Variants in TLN2 observed in about 807,000 individuals in gnomAD.
TLN2 encodes the protein talin 2.
In TLN2, 118 loss-of-function variants were observed where a neutral mutation model predicts 294.7. The observed-to-expected ratio is 0.40, with a 90% CI of 0.34 to 0.47. The LOEUF is 0.47. Ranked by LOEUF, TLN2 falls within the 20% of genes least tolerant of loss-of-function variation. TLN2 has a pLI of 0.84. For missense variants in TLN2, 3,083 were observed against 3,282.2 expected (o/e 0.94, Z 1.48); for synonymous variants, 1,431 against 1,304.5 (o/e 1.10, Z -2.09).
intron 1 of TLN2, among the ~76,000 whole-genome samples, chr15:62,417,247 C>CT (rs900504141): frequency 6.6e-6 from 1 of 152,144 alleles, no homozygotes; most frequent in Non-Finnish European, 1.5e-5. Flanking sequence ...TTTAATTTGC[C>CT]TGTCGCCCTC....
chr15:62,699,523 A>G (rs2141092048), intron 16 of TLN2, among the ~76,000 whole-genome samples: 1 of 152,260 alleles, frequency 6.6e-6, no homozygotes, highest in Non-Finnish European at 1.5e-5. Flanking sequence ...TCAGCAAGGT[A>G]GGGTGATTAA....
At chr15:62,795,573 T>C (rs1174755719) in intron 46 of TLN2, among the ~76,000 whole-genome samples, 7 of 152,042 alleles carry the variant, frequency 4.6e-5, no homozygotes, top group African/African-American at 1.7e-4. Context: ...AGAGGTCACA[T>C]ACACAGATCC....
At chr15:62,423,089 G>C (rs146576017) in intron 1 of TLN2, among the ~76,000 whole-genome samples, 2 of 152,158 alleles carry the variant, frequency 1.3e-5, no homozygotes, top group African/African-American at 4.8e-5. Flanking sequence ...CTAGGATCAC[G>C]TTAGCTCTTA....
intron 35 of TLN2, 71 bp downstream of exon 35, chr15:62,752,498 G>C: frequency 1.3e-6 from 2 of 1,567,514 alleles, no homozygotes; most frequent in African/African-American, 1.4e-5. Flanking sequence ...GGGAACTCCA[G>C]CTGCACCTCT....
At chr15:62,498,153 CAAAAAAAAA>C (rs538951284) in intron 1 of TLN2, among the ~76,000 whole-genome samples, 5 of 93,384 alleles carry the variant, frequency 5.4e-5, no homozygotes, top group East Asian at 8.8e-4. Context: ...GACCCTGCCT[CAAAAAAAAA>C]AAAAAAAAAA....
intron 1 of TLN2, among the ~76,000 whole-genome samples, chr15:62,582,215 CACACACACACACACACACACACACACACA>C (rs2045133321): frequency 7.4e-6 from 1 of 134,250 alleles, no homozygotes; most frequent in Non-Finnish European, 1.6e-5. Context: ...CACACACACA[CACACACACACACACACACACACACACACA>C]CACATTCATG....
intron 1 of TLN2, among the ~76,000 whole-genome samples, chr15:62,489,353 T>G (rs575673610): frequency 1.9e-4 from 29 of 152,194 alleles, no homozygotes; most frequent in Non-Finnish European, 3.7e-4. Flanking sequence ...TCAAACAGCC[T>G]AAGCACATGT....
intron 1 of TLN2, among the ~76,000 whole-genome samples, chr15:62,432,176 A>T (rs1282123242): frequency 6.6e-6 from 1 of 152,034 alleles, no homozygotes; most frequent in South Asian, 2.1e-4. Context: ...TTTTTATCGA[A>T]TTTTTTATTA....
At chr15:62,543,731 G>T (rs1421672731) in intron 1 of TLN2, among the ~76,000 whole-genome samples, 1 of 145,706 alleles carries the variant, frequency 6.9e-6, no homozygotes, top group Non-Finnish European at 1.5e-5. Flanking sequence ...CTCCAGCCTG[G>T]TGACAGAGCA....
chr15:62,627,238 G>C (rs2049359682), intron 3 of TLN2, among the ~76,000 whole-genome samples: 1 of 152,220 alleles, frequency 6.6e-6, no homozygotes, highest in Non-Finnish European at 1.5e-5. Flanking sequence ...TCTTGGATGT[G>C]CAGGAAGGAA....
chr15:62,564,753 A>G (rs1398981640), intron 1 of TLN2, among the ~76,000 whole-genome samples: 1 of 151,824 alleles, frequency 6.6e-6, no homozygotes, highest in Non-Finnish European at 1.5e-5. Flanking sequence ...CTAAAAATAC[A>G]AAAATTAGCT....
rs1400625502 is a variant in TLN2 at position 62,833,887 on chromosome 15, G to A, written c.7128+258G>A. The A allele has an allele frequency of 1.3e-5, 5 of 395,518 alleles. No homozygotes were observed. In the Admixed American group the frequency reaches 1.7e-4, roughly 14 times the overall value. The allele number at this position is 395,518 out of a possible 1,614,324, so 24.5% of individuals were successfully genotyped here. ...TCCAGGCAGTGACTGGGGCCTGAACGAGATATTTATATTCCCACTGTACAT... is the reference window on the plus strand; with the variant it reads ...TCCAGGCAGTGACTGGGGCCTGAACAAGATATTTATATTCCCACTGTACAT... On this transcript the variant is annotated intron_variant, in intron 55 of 58. Transcript: ENST00000636159.
intron 1 of TLN2, among the ~76,000 whole-genome samples, chr15:62,398,264 C>G (rs2032726932): frequency 6.6e-6 from 1 of 152,172 alleles, no homozygotes; most frequent in Non-Finnish European, 1.5e-5. Flanking sequence ...CTTCTCTCTC[C>G]TGCCGTCATG....
chr15:62,719,302 A>G (rs2059977487), intron 24 of TLN2, among the ~76,000 whole-genome samples: 1 of 152,214 alleles, frequency 6.6e-6, no homozygotes, highest in Non-Finnish European at 1.5e-5. Flanking sequence ...GGCAACACAA[A>G]GGCGCAGAAT....
intron 2 of TLN2, among the ~76,000 whole-genome samples, chr15:62,617,058 C>T (rs1422108736): frequency 6.6e-6 from 1 of 152,144 alleles, no homozygotes; most frequent in Non-Finnish European, 1.5e-5. Context: ...GTCTGTAAAA[C>T]ATCCCTGTTG....
At chr15:62,635,455 G>T (rs538350103) in intron 3 of TLN2, among the ~76,000 whole-genome samples, 1 of 152,216 alleles carries the variant, frequency 6.6e-6, no homozygotes, top group South Asian at 2.1e-4. Flanking sequence ...TACTGTGGGG[G>T]AATATTATGT....
At chr15:62,668,185 A>T (rs903269066) in intron 9 of TLN2, among the ~76,000 whole-genome samples, 1 of 152,170 alleles carries the variant, frequency 6.6e-6, no homozygotes, top group African/African-American at 2.4e-5. Context: ...AAATTTGCAA[A>T]GAGTAAATTT....
At chr15:62,565,877 G>T (rs1195166719) in intron 1 of TLN2, among the ~76,000 whole-genome samples, 1 of 152,006 alleles carries the variant, frequency 6.6e-6, no homozygotes, top group Middle Eastern at 3.4e-3. Context: ...CAGGGGCTGG[G>T]CTTTGGAGTT....
At chr15:62,547,297 C>G (rs999803836) in intron 1 of TLN2, among the ~76,000 whole-genome samples, 1 of 152,204 alleles carries the variant, frequency 6.6e-6, no homozygotes, top group African/African-American at 2.4e-5. Flanking sequence ...ACATGTCATG[C>G]CACACATACA....
Sources: gnomAD v4.1 joint callset for allele counts (sites outside exome capture counted in the v4.1 genomes callset) on GRCh38, gnomAD v4.1.1 for gene constraint, MANE v1.5 for transcripts, NCBI Gene and HGNC (gene_info 2026-07-23, HGNC 2026-07-21) for gene names.